The following AGBL4 variants were observed in gnomAD, a reference collection of about 807,000 sequenced individuals.
The protein encoded by AGBL4 is cytosolic carboxypeptidase 6.
Under a neutral mutation model 66.4 loss-of-function variants are expected in AGBL4, and 58 were observed. The ratio of observed to expected loss-of-function variants is 0.87; its 90% CI spans 0.71 to 1.09. The LOEUF is 1.09. AGBL4 is among the 50% of genes least tolerant of loss of function. The pLI is 0.00. For missense variants in AGBL4, 579 were observed against 631.0 expected (o/e 0.92, Z 0.88); for synonymous variants, 234 against 222.9 (o/e 1.05, Z -0.44).
At chr1:49,986,381 C>T (rs528209737) in intron 1 of AGBL4, among the ~76,000 whole-genome samples, 25 of 152,116 alleles carry the variant, frequency 1.6e-4, no homozygotes, top group Admixed American at 1.4e-3. Context: ...ATTCTCATTG[C>T]TGTGAAGTAT....
chr1:49,802,596 C>T (rs1439916744), intron 2 of AGBL4, among the ~76,000 whole-genome samples: 1 of 152,034 alleles, frequency 6.6e-6, no homozygotes, highest in Non-Finnish European at 1.5e-5. Flanking sequence ...TAAAGAATTA[C>T]TTCATCCCCA....
rs574880129 is a variant in AGBL4 at position 49,492,445 on chromosome 1, T to G, written c.282+204868A>C. Among the ~76,000 whole-genome samples the G allele has an allele frequency of 2.0e-5, 3 of 152,126 alleles. No homozygotes were observed. The South Asian group carries it at 6.2e-4, about 32-fold the overall frequency. ...AATATTTCTAAACCCCACTTGACTG[T>G]GGGTAACTGAAACTGTGAAAAGCAA... On this transcript the variant is annotated intron_variant, in intron 3 of 13. Transcript: ENST00000371839.
At chr1:50,003,912 A>G (rs145888774) in intron 1 of AGBL4, among the ~76,000 whole-genome samples, 2 of 152,202 alleles carry the variant, frequency 1.3e-5, no homozygotes, top group African/African-American at 4.8e-5. Context: ...TCCTTCCCAC[A>G]GGAACACCAA....
intron 1 of AGBL4, among the ~76,000 whole-genome samples, chr1:49,890,473 G>A (rs1041283567): frequency 6.6e-6 from 1 of 151,998 alleles, no homozygotes; most frequent in South Asian, 2.1e-4. Context: ...GAAAAAAAAA[G>A]TCAAAATCTC....
intron 3 of AGBL4, among the ~76,000 whole-genome samples, chr1:49,633,078 A>C (rs1406238475): frequency 2.0e-5 from 3 of 152,076 alleles, no homozygotes; most frequent in Non-Finnish European, 4.4e-5. Context: ...ATCTCAAAAA[A>C]TAAATAAGTA....
chr1:48,788,228 C>T (rs930841035), intron 6 of AGBL4, among the ~76,000 whole-genome samples: 7 of 152,224 alleles, frequency 4.6e-5, no homozygotes, highest in African/African-American at 1.7e-4. Flanking sequence ...CAGTAGGTTG[C>T]AAAAACTATG....
At chr1:48,559,326 G>T (rs1368534197) in intron 11 of AGBL4, among the ~76,000 whole-genome samples, 1 of 152,168 alleles carries the variant, frequency 6.6e-6, no homozygotes. Context: ...GTACCTGTAT[G>T]CAGGAAGATG....
At chr1:49,441,156 G>A (rs1399164555) in intron 3 of AGBL4, among the ~76,000 whole-genome samples, 2 of 152,154 alleles carry the variant, frequency 1.3e-5, no homozygotes, top group African/African-American at 2.4e-5. Flanking sequence ...GCCCCTAGGT[G>A]TAAGGTCGAG....
chr1:49,003,516 T>C (rs1661551178), intron 5 of AGBL4, among the ~76,000 whole-genome samples: 1 of 152,230 alleles, frequency 6.6e-6, no homozygotes. Context: ...GGCTACCTAC[T>C]ATGAATTTAG....
At chr1:49,936,547 A>C (rs975931199) in intron 1 of AGBL4, among the ~76,000 whole-genome samples, 3 of 152,298 alleles carry the variant, frequency 2.0e-5, no homozygotes, top group African/African-American at 7.2e-5. Context: ...AGATTCACCA[A>C]AGTTGAAATG....
At chr1:49,489,352 T>A (rs1570848686) in intron 3 of AGBL4, among the ~76,000 whole-genome samples, 1 of 151,942 alleles carries the variant, frequency 6.6e-6, no homozygotes, top group Admixed American at 6.6e-5. Context: ...CCTATTCAGA[T>A]CTTTTGCTTA....
intron 3 of AGBL4, among the ~76,000 whole-genome samples, chr1:49,525,082 A>G (rs546277219): frequency 2.0e-5 from 3 of 152,196 alleles, no homozygotes; most frequent in African/African-American, 7.2e-5. Context: ...TGTTAGGAAT[A>G]TATTTATTAA....
At chr1:48,867,066 T>C in intron 6 of AGBL4, 125 bp downstream of exon 6, 2 of 1,078,344 alleles carry the variant, frequency 1.9e-6, no homozygotes, top group Non-Finnish European at 2.8e-6. Context: ...TCATTCATGG[T>C]GCAAGAGTTC....
At chr1:48,942,463 A>G (rs1656079217) in intron 5 of AGBL4, among the ~76,000 whole-genome samples, 1 of 152,184 alleles carries the variant, frequency 6.6e-6, no homozygotes, top group East Asian at 1.9e-4. Context: ...TAGGATAACA[A>G]TGAAACTATT....
chr1:49,717,666 C>T (rs1276974096), intron 2 of AGBL4, among the ~76,000 whole-genome samples: 1 of 152,048 alleles, frequency 6.6e-6, no homozygotes, highest in African/African-American at 2.4e-5. Flanking sequence ...TTGTTTATTT[C>T]TATCCCCTCT....
chr1:49,212,700 C>T (rs1648766222), intron 4 of AGBL4, among the ~76,000 whole-genome samples: 1 of 152,006 alleles, frequency 6.6e-6, no homozygotes, highest in Non-Finnish European at 1.5e-5. Flanking sequence ...ATGACCACAC[C>T]CTTGCTTCTG....
At chr1:49,957,695 T>C (rs966400860) in intron 1 of AGBL4, among the ~76,000 whole-genome samples, 10 of 152,090 alleles carry the variant, frequency 6.6e-5, no homozygotes, top group African/African-American at 2.4e-4. Context: ...TGCCTTTTTT[T>C]TGTTTTCCAT....
chr1:49,305,896 G>A (rs1644841283), intron 3 of AGBL4, among the ~76,000 whole-genome samples: 1 of 152,042 alleles, frequency 6.6e-6, no homozygotes, highest in Non-Finnish European at 1.5e-5. Context: ...CTCCATGTTG[G>A]TCAGACTGGT....
At chr1:49,773,769 A>C (rs1311659516) in intron 2 of AGBL4, among the ~76,000 whole-genome samples, 1 of 152,214 alleles carries the variant, frequency 6.6e-6, no homozygotes, top group Middle Eastern at 3.4e-3. Context: ...TCTCCAACGG[A>C]GTGGTGCTAC....
Sources: allele counts gnomAD v4.1 joint callset (sites outside exome capture counted in the v4.1 genomes callset), GRCh38; gene constraint gnomAD v4.1.1; transcripts MANE v1.5; gene names NCBI Gene and HGNC (gene_info 2026-07-23, HGNC 2026-07-21).